CCDC50: variants seen among roughly 807,000 people sequenced by gnomAD.
CCDC50 encodes the protein coiled-coil domain-containing protein 50.
CCDC50 carries 54 observed loss-of-function variants against 70.2 expected under a neutral mutation model. The ratio of observed to expected loss-of-function variants is 0.77; its 90% CI spans 0.62 to 0.96. The LOEUF is 0.96. Among genes scored for constraint, CCDC50 ranks in the 50% least tolerant of loss-of-function variants. The probability of loss-of-function intolerance (pLI) is 0.00; values close to 1 mark genes in which losing one functional copy is unlikely to be tolerated. For synonymous variants in CCDC50, 216 were observed against 198.8 expected (o/e 1.09, Z -0.73); for missense variants, 558 against 578.7 (o/e 0.96, Z 0.37).
intron 1 of CCDC50, among the ~76,000 whole-genome samples, chr3:191,336,591 G>C (rs1336539465): frequency 3.3e-5 from 5 of 152,014 alleles, no homozygotes; most frequent in Non-Finnish European, 5.9e-5. Flanking sequence ...GTTTGCCCAT[G>C]TCCATGCTTT....
Position 191,375,147 on chromosome 3 carries a change from G to A in CCDC50, c.534G>A (p.Lys178=). ...CRLQRDGKTV[K]HKKEKPEHPL... ...TCCAAAGAGATGGAAAGACTGTGAA[G>A]CACAAGAAAGAGAAACCAGAACATC... Residue 178 remains lysine (K), a synonymous_variant, in exon 6 of 12, where the codon AAG becomes AAA. Coordinates refer to ENST00000392455, the MANE Select transcript of CCDC50 (RefSeq NM_178335.3). 1.9e-6 allele frequency: 3 copies of A among 1,613,744 alleles called. No homozygotes were observed. The highest frequency in any genetic ancestry group is 2.5e-6 in the Non-Finnish European group (3 of 1,179,778).
chr3:191,361,214 G>C, intron 4 of CCDC50, 55 bp downstream of exon 4: 1 of 1,331,686 alleles, frequency 7.5e-7, no homozygotes, highest in Non-Finnish European at 1.1e-6. Flanking sequence ...CTCAGCTTTA[G>C]AGCAAAAACT....
rs4677728 is a variant in CCDC50 at position 191,375,521 on chromosome 3, A to G, written c.908A>G (p.Lys303Arg). ...GRDHGQGEHR[K>R]RRHRPRTPPF... ...GACCATGGGCAAGGTGAGCACAGAA[A>G]AAGGAGACACAGGCCCAGGACTCCT... The change falls in exon 6 of 12, where the codon AAA becomes AGA. Residue 303 changes from lysine to arginine, a missense_variant. Coordinates refer to ENST00000392455, the MANE Select transcript of CCDC50 (RefSeq NM_178335.3). The G allele has an allele frequency of 0.41, 658,720 of 1,612,776 alleles. 138,202 individuals are homozygous for G. Among genetic ancestry groups the G allele is most frequent in the African/African-American group, 0.68 (51,147 of 74,844 alleles).
chr3:191,332,582 C>G (rs1487550656), intron 1 of CCDC50, among the ~76,000 whole-genome samples: 1 of 152,190 alleles, frequency 6.6e-6, no homozygotes, highest in African/African-American at 2.4e-5. Flanking sequence ...AGGTCTATAA[C>G]TGAAATGCAA....
intron 4 of CCDC50, among the ~76,000 whole-genome samples, chr3:191,363,778 A>G (rs11926536): frequency 0.015 from 2,351 of 152,298 alleles, 65 homozygotes; most frequent in African/African-American, 0.055. Context: ...GCCTATATAA[A>G]CTTCATTCAG....
At chr3:191,388,701 G>C (rs151215623) in intron 10 of CCDC50, among the ~76,000 whole-genome samples, 129 of 152,184 alleles carry the variant, frequency 8.5e-4, no homozygotes, top group Non-Finnish European at 8.8e-4. Flanking sequence ...ATGCCTTCTA[G>C]ATTTTACATA....
chr3:191,357,187 C>CT, intron 2 of CCDC50, 37 bp downstream of exon 2: 1 of 1,566,330 alleles, frequency 6.4e-7, no homozygotes, highest in Non-Finnish European at 8.8e-7. Flanking sequence ...CTTCAGTTTT[C>CT]TTTTTTTAGT....
intron 3 of CCDC50, among the ~76,000 whole-genome samples, chr3:191,359,735 C>T (rs557647820): frequency 1.3e-5 from 2 of 152,268 alleles, no homozygotes; most frequent in South Asian, 2.1e-4. Flanking sequence ...CTCAGTGTCA[C>T]AGGTTAAGGT....
At chr3:191,339,866 G>A (rs545830392) in intron 1 of CCDC50, among the ~76,000 whole-genome samples, 11 of 152,174 alleles carry the variant, frequency 7.2e-5, no homozygotes, top group Non-Finnish European at 1.6e-4. Context: ...AGGTTAAAAT[G>A]TACTTGTGGT....
chr3:191,329,808 C>T, intron 1 of CCDC50, 85 bp downstream of exon 1: 1 of 1,433,610 alleles, frequency 7.0e-7, no homozygotes, highest in Non-Finnish European at 9.6e-7. Context: ...GCCATTTCGG[C>T]TCCCGCGGCC....
At chr3:191,355,367 T>G (rs1712242095) in intron 1 of CCDC50, among the ~76,000 whole-genome samples, 1 of 152,352 alleles carries the variant, frequency 6.6e-6, no homozygotes, top group Non-Finnish European at 1.5e-5. Flanking sequence ...TCTTACCCAT[T>G]TAAAAATTAG....
intron 2 of CCDC50, 83 bp downstream of exon 2, chr3:191,357,233 G>A (rs934952069): frequency 1.9e-6 from 2 of 1,071,528 alleles, no homozygotes; most frequent in Non-Finnish European, 2.9e-6. Flanking sequence ...GCTTAGGTGG[G>A]GAGAGAGCAC....
At chr3:191,330,866 T>G (rs566544328) in intron 1 of CCDC50, among the ~76,000 whole-genome samples, 1 of 152,180 alleles carries the variant, frequency 6.6e-6, no homozygotes, top group East Asian at 1.9e-4. Context: ...TCACTGATTT[T>G]ATGTAGAATT....
chr3:191,378,806 T>A (rs1713207514), intron 6 of CCDC50, among the ~76,000 whole-genome samples: 1 of 151,870 alleles, frequency 6.6e-6, no homozygotes, highest in Admixed American at 6.6e-5. Context: ...CAGCCCAGCA[T>A]AAGACTCCGT....
Position 191,362,268 on chromosome 3 carries a change from C to T in CCDC50, c.330+1109C>T, listed in dbSNP as rs192689023. ...GAGTAGCTGGGACTACAGGCACACG[C>T]GCCCACACTTGGCTAATATTTAAAC... On this transcript the variant is annotated intron_variant, in intron 4 of 11. Transcript: ENST00000392455. 2.9e-3 allele frequency among the ~76,000 whole-genome samples: 439 copies of T among 152,124 alleles called. 1 individual carries two copies. The highest frequency in any genetic ancestry group is 9.8e-3 in the African/African-American group (407 of 41,488).
intron 6 of CCDC50, among the ~76,000 whole-genome samples, chr3:191,377,422 A>C (rs1386477401): frequency 3.9e-5 from 6 of 152,282 alleles, no homozygotes; most frequent in Non-Finnish European, 8.8e-5. Flanking sequence ...GGGACTGCAA[A>C]ATAAAATTTT....
At chr3:191,339,715 G>A (rs977166988) in intron 1 of CCDC50, among the ~76,000 whole-genome samples, 2 of 152,160 alleles carry the variant, frequency 1.3e-5, no homozygotes, top group African/African-American at 4.8e-5. Context: ...TTTAGTAAAT[G>A]TTACAGTCCA....
At chr3:191,351,766 C>G (rs1712114238) in intron 1 of CCDC50, among the ~76,000 whole-genome samples, 1 of 140,706 alleles carries the variant, frequency 7.1e-6, no homozygotes, top group South Asian at 2.2e-4. Flanking sequence ...ACCAGGAAGC[C>G]TATGTAAAAA....
In CCDC50 at chr3:191,398,586, A is replaced by G. The variant is rs1313118319; in HGVS notation, c.*6826A>G. 1 of 152,148 alleles carries G rather than the reference A, an allele frequency of 6.6e-6. No individual in the cohort carries two copies. Among genetic ancestry groups the G allele is most frequent in the Non-Finnish European group, 1.5e-5 (1 of 68,042 alleles). The allele number at this position is 152,148 out of a possible 1,614,324, so 9.4% of individuals were successfully genotyped here. A position where few individuals can be genotyped will look rare whatever the true frequency, so the allele number is the denominator to read the frequency against. ...ATTTTTTCTTACTCCATTTCCATAC[A>G]CTTTCTGTAAATATGTATAACATGA... On this transcript the variant is annotated 3_prime_UTR_variant, in exon 12 of 12. Transcript: ENST00000392455.
Sources: allele counts gnomAD v4.1 joint callset (sites outside exome capture counted in the v4.1 genomes callset), GRCh38; gene constraint gnomAD v4.1.1; transcripts MANE v1.5; gene names NCBI Gene and HGNC (gene_info 2026-07-23, HGNC 2026-07-21).